The following GDAP1 variants were observed in gnomAD, a reference collection of about 807,000 sequenced individuals.
The protein encoded by GDAP1 is ganglioside-induced differentiation-associated protein 1.
GDAP1 carries 34 observed loss-of-function variants against 40.1 expected under a neutral mutation model. That is an observed-to-expected ratio of 0.85 (90% CI 0.64 to 1.13). GDAP1 has a LOEUF of 1.13. Among genes scored for constraint, GDAP1 ranks in the 50% most tolerant of loss-of-function variants. The pLI is 0.00. For missense variants in GDAP1, 374 were observed against 433.7 expected (o/e 0.86, Z 1.22); for synonymous variants, 170 against 157.4 (o/e 1.08, Z -0.60).
Position 74,443,011 on chromosome 8 carries a change from C to T in GDAP1, c.166-45667C>T, listed in dbSNP as rs1263158326. Among the ~76,000 whole-genome samples the T allele has an allele frequency of 2.6e-5, 4 of 152,128 alleles. No homozygotes were observed. The East Asian group carries it at 7.7e-4, about 29-fold the overall frequency. On this transcript the variant is annotated intron_variant, in intron 2 of 2. Coordinates refer to the GDAP1 transcript ENST00000523640. ...CTCTAAAATGAATGGCAGCCTTGCTCTTAAAGGGATTAGAAACTAGTTGGG... is the reference window on the plus strand; with the variant it reads ...CTCTAAAATGAATGGCAGCCTTGCTTTTAAAGGGATTAGAAACTAGTTGGG...
chr8:74,446,546 T>G (rs906993110), intron 2 of GDAP1, among the ~76,000 whole-genome samples: 8 of 152,162 alleles, frequency 5.3e-5, no homozygotes, highest in African/African-American at 1.9e-4. Context: ...AAATTGAGTA[T>G]CTGTTTTACA....
chr8:74,417,776 AAAAGG>A (rs1168671588), intron 2 of GDAP1, among the ~76,000 whole-genome samples: 19,473 of 107,536 alleles, frequency 0.18, 1,959 homozygotes, highest in Non-Finnish European at 0.26. Context: ...AAAAAAAAAA[AAAAGG>A]AAAAGAAAAA....
intron 2 of GDAP1, among the ~76,000 whole-genome samples, chr8:74,395,567 T>G (rs923354208): frequency 1.3e-5 from 2 of 152,178 alleles, no homozygotes; most frequent in African/African-American, 4.8e-5. Flanking sequence ...AGGTTAAACA[T>G]AGGGTCACAC....
chr8:74,376,185 A>T (rs919266757), intron 2 of GDAP1, among the ~76,000 whole-genome samples: 5 of 152,194 alleles, frequency 3.3e-5, no homozygotes, highest in African/African-American at 1.2e-4. Flanking sequence ...CATTCTCCGC[A>T]AATGTATCTG....
intron 1 of GDAP1, among the ~76,000 whole-genome samples, chr8:74,351,027 T>A (rs1808841793): frequency 6.6e-6 from 1 of 152,062 alleles, no homozygotes; most frequent in South Asian, 2.1e-4. Context: ...AAAGTGGTAG[T>A]GATGAGGAGG....
chr8:74,362,766 A>G (rs538110818), intron 4 of GDAP1, among the ~76,000 whole-genome samples, 173 bp from the exon 5 acceptor site: 2 of 126,982 alleles, frequency 1.6e-5, no homozygotes, highest in Non-Finnish European at 3.2e-5. Context: ...TTTCCCTTCA[A>G]CTTAGCTCTC....
chr8:74,362,876 T>G, intron 4 of GDAP1, 63 bp from the exon 5 acceptor site: 1 of 739,034 alleles, frequency 1.4e-6, no homozygotes. Context: ...CTGCTTTACC[T>G]AGATTTATTT....
chr8:74,379,072 TG>T (rs1809906537), intron 2 of GDAP1, among the ~76,000 whole-genome samples: 1 of 150,738 alleles, frequency 6.6e-6, no homozygotes, highest in Non-Finnish European at 1.5e-5. Context: ...TGTTGGAGGC[TG>T]GAGCAATCTT....
At chr8:74,457,694 G>T (rs777579008) in intron 2 of GDAP1, among the ~76,000 whole-genome samples, 11 of 152,030 alleles carry the variant, frequency 7.2e-5, no homozygotes, top group Non-Finnish European at 1.3e-4. Flanking sequence ...GAATTTCATA[G>T]AGATTTTTAT....
chr8:74,477,994 AT>A (rs1212547346), intron 2 of GDAP1, among the ~76,000 whole-genome samples: 1 of 152,004 alleles, frequency 6.6e-6, no homozygotes, highest in Non-Finnish European at 1.5e-5. Flanking sequence ...GACAGTGTGT[AT>A]CCTATGCGCA....
At chr8:74,473,049 C>T (rs1038289511) in intron 2 of GDAP1, among the ~76,000 whole-genome samples, 1 of 151,422 alleles carries the variant, frequency 6.6e-6, no homozygotes, top group Non-Finnish European at 1.5e-5. Context: ...TGTGCCCAGC[C>T]GAGCTTTTTT....
chr8:74,386,535 T>C (rs532157031), intron 2 of GDAP1, among the ~76,000 whole-genome samples: 46 of 152,310 alleles, frequency 3.0e-4, no homozygotes, highest in African/African-American at 1.1e-3. Flanking sequence ...TTCTGTTCCA[T>C]TGCTCTATAT....
chr8:74,420,523 T>C (rs568441081), intron 2 of GDAP1, among the ~76,000 whole-genome samples: 1 of 152,296 alleles, frequency 6.6e-6, no homozygotes, highest in Admixed American at 6.5e-5. Context: ...AGGATTCTAA[T>C]GGTTCACTGT....
chr8:74,391,427 A>G (rs1421408798), intron 2 of GDAP1, among the ~76,000 whole-genome samples: 1 of 151,852 alleles, frequency 6.6e-6, no homozygotes, highest in East Asian at 2.0e-4. Context: ...TCCCTTGGCT[A>G]GGGGAGGGAG....
chr8:74,361,994 G>GAT lies in GDAP1; in HGVS notation c.579+16_579+17insAT. The GAT allele has an allele frequency of 7.6e-7, 1 of 1,315,726 alleles. No homozygotes were observed. The highest frequency in any genetic ancestry group is 1.1e-6 in the Non-Finnish European group (1 of 911,076). The allele number at this position is 1,315,726 out of a possible 1,614,324, so 81.5% of individuals were successfully genotyped here. A position where few individuals can be genotyped will look rare whatever the true frequency, so the allele number is the denominator to read the frequency against. The stretch of plus-strand genomic sequence containing the variant: ...ACGACTTAAAGTAAGCCAATCAGCT[G>GAT]TCCTCAGTTGACATACACTGCACGG... On this transcript the variant is annotated intron_variant, in intron 4 of 5. Transcript: ENST00000220822.
intron 4 of GDAP1, 48 bp from the exon 5 acceptor site, chr8:74,362,891 T>A (rs1809443312): frequency 2.4e-6 from 2 of 850,208 alleles, no homozygotes; most frequent in East Asian, 4.8e-5. Context: ...TTATTTTTTT[T>A]AAAGGTGCAA....
At chr8:74,461,635 AATTG>A (rs1806402242) in intron 2 of GDAP1, among the ~76,000 whole-genome samples, 1 of 152,078 alleles carries the variant, frequency 6.6e-6, no homozygotes, top group Non-Finnish European at 1.5e-5. Context: ...TTAGGTGACT[AATTG>A]ATTGGGTTGC....
chr8:74,458,914 G>A (rs1446447600), intron 2 of GDAP1, among the ~76,000 whole-genome samples: 4 of 152,086 alleles, frequency 2.6e-5, no homozygotes, highest in African/African-American at 9.7e-5. Context: ...CCAGCAGCAC[G>A]CTCTTCACTG....
At chr8:74,464,735 C>T (rs1010460064) in intron 2 of GDAP1, among the ~76,000 whole-genome samples, 8 of 152,036 alleles carry the variant, frequency 5.3e-5, no homozygotes, top group African/African-American at 1.5e-4. Context: ...AGAATAACTC[C>T]GTCAGACAAA....
Sources: gnomAD v4.1 joint callset for allele counts (sites outside exome capture counted in the v4.1 genomes callset) on GRCh38, gnomAD v4.1.1 for gene constraint, MANE v1.5 for transcripts, NCBI Gene and HGNC (gene_info 2026-07-23, HGNC 2026-07-21) for gene names.